Variants in SORCS2 observed in about 807,000 individuals in gnomAD.
SORCS2 encodes the protein VPS10 domain-containing receptor SorCS2.
In SORCS2, 100 loss-of-function variants were observed where a neutral mutation model predicts 141.6. The ratio of observed to expected loss-of-function variants is 0.71; its 90% CI spans 0.60 to 0.83. The LOEUF (loss-of-function observed/expected upper bound fraction) is 0.83. SORCS2 is among the 40% of genes least tolerant of loss of function. SORCS2 has a pLI of 0.00. For missense variants in SORCS2, 1,646 were observed against 1,560.2 expected (o/e 1.05, Z -0.93); for synonymous variants, 789 against 676.9 (o/e 1.17, Z -2.57).
intron 4 of SORCS2, among the ~76,000 whole-genome samples, chr4:7,640,188 ATGTGAG>A (rs1394767289): frequency 6.6e-4 from 9 of 13,656 alleles, no homozygotes; most frequent in Non-Finnish European, 1.5e-3. Flanking sequence ...GTGAGAGCCT[ATGTGAG>A]TGTGAGTGTG....
intron 1 of SORCS2, among the ~76,000 whole-genome samples, chr4:7,379,065 C>T (rs1429802915): frequency 6.6e-6 from 1 of 152,186 alleles, no homozygotes; most frequent in Non-Finnish European, 1.5e-5. Context: ...ACATCTAAAG[C>T]AGATGTCCTG....
At chr4:7,223,725 G>A (rs62289711) in intron 1 of SORCS2, among the ~76,000 whole-genome samples, 3 of 152,138 alleles carry the variant, frequency 2.0e-5, no homozygotes, top group South Asian at 4.1e-4. Context: ...GGGCCTCCTG[G>A]TGCCTTCCTG....
intron 17 of SORCS2, among the ~76,000 whole-genome samples, chr4:7,717,725 T>C (rs1726288285): frequency 6.6e-6 from 1 of 152,230 alleles, no homozygotes; most frequent in Non-Finnish European, 1.5e-5. Context: ...TGGCTGTTAC[T>C]GTTACTGTGA....
Position 7,524,975 on chromosome 4 carries a change from C to A in SORCS2, c.549-6555C>A, listed in dbSNP as rs533022683. Among the ~76,000 whole-genome samples the A allele has an allele frequency of 3.3e-5, 5 of 152,356 alleles. No homozygotes were observed. In the South Asian group the frequency reaches 8.3e-4, roughly 25 times the overall value. On this transcript the variant is annotated intron_variant, in intron 2 of 26. Transcript: ENST00000507866. ...CCCCTGGTCTGCAACAGAAACCTGG[C>A]AGGTTCCAGAGAGCGGGAGCTTAAC...
In SORCS2 at chr4:7,673,296, T is replaced by C. The variant is rs992724865; in HGVS notation, c.1162-2754T>C. Among the ~76,000 whole-genome samples, 5 of 152,360 alleles carry C rather than the reference T, an allele frequency of 3.3e-5. No individual in the cohort carries two copies. The East Asian group carries it at 9.6e-4, about 29-fold the overall frequency. ...CAAGAGCTTTCGAAATGTTGCGATG[T>C]GGCAATTTCCCTTCTTAGGAGTTTA... On this transcript the variant is annotated intron_variant, in intron 8 of 26. Coordinates refer to ENST00000507866, the MANE Select transcript of SORCS2 (RefSeq NM_020777.3).
At chr4:7,482,420 CACT>C (rs1396997159) in intron 2 of SORCS2, among the ~76,000 whole-genome samples, 7 of 50,404 alleles carry the variant, frequency 1.4e-4, no homozygotes, top group Non-Finnish European at 2.3e-4. Flanking sequence ...CCTGTATCCC[CACT>C]GCGGACACCC....
intron 2 of SORCS2, among the ~76,000 whole-genome samples, chr4:7,403,033 C>T (rs1724699615): frequency 6.6e-6 from 1 of 152,146 alleles, no homozygotes; most frequent in Admixed American, 6.5e-5. Context: ...TTCATTCTTT[C>T]CCAACACCTT....
intron 1 of SORCS2, among the ~76,000 whole-genome samples, chr4:7,337,702 G>A (rs1720074557): frequency 6.6e-6 from 1 of 152,174 alleles, no homozygotes; most frequent in Non-Finnish European, 1.5e-5. Context: ...TGGCTGCAGA[G>A]TCTAATGGAA....
intron 3 of SORCS2, among the ~76,000 whole-genome samples, chr4:7,545,994 A>C (rs1713233470): frequency 6.6e-6 from 1 of 152,172 alleles, no homozygotes; most frequent in African/African-American, 2.4e-5. Flanking sequence ...CACGTGGCAG[A>C]AAAAGAGCTA....
intron 1 of SORCS2, among the ~76,000 whole-genome samples, chr4:7,284,596 A>C (rs1178699140): frequency 1.3e-5 from 2 of 152,100 alleles, no homozygotes; most frequent in Non-Finnish European, 2.9e-5. Context: ...AGCATTTGAC[A>C]CAGAGGCCTG....
chr4:7,510,936 G>A (rs904972806), intron 2 of SORCS2, among the ~76,000 whole-genome samples: 2 of 152,204 alleles, frequency 1.3e-5, no homozygotes, highest in Non-Finnish European at 2.9e-5. Flanking sequence ...GCAGCGCCCC[G>A]GGAGCTGGTT....
chr4:7,214,133 C>T (rs958971586), intron 1 of SORCS2, among the ~76,000 whole-genome samples: 13 of 152,154 alleles, frequency 8.5e-5, no homozygotes, highest in African/African-American at 2.9e-4. Flanking sequence ...TGCAGCTCTC[C>T]CCACTGGGGA....
At chr4:7,492,038 C>T (rs1395870324) in intron 2 of SORCS2, among the ~76,000 whole-genome samples, 3 of 152,194 alleles carry the variant, frequency 2.0e-5, no homozygotes, top group African/African-American at 7.2e-5. Flanking sequence ...CTCCTCCCTC[C>T]TTTTCTGGCC....
intron 1 of SORCS2, among the ~76,000 whole-genome samples, chr4:7,338,145 CATGGATGGATGTTGGTTGGATGGATGG>C (rs1209878567): frequency 6.3e-5 from 8 of 127,996 alleles, no homozygotes; most frequent in African/African-American, 2.4e-4. Context: ...ATGTTGGTTG[CATGGATGGATGTTGGTTGGATGGATGG>C]ATGGATGGAT....
chr4:7,474,282 G>A (rs946318797), intron 2 of SORCS2, among the ~76,000 whole-genome samples: 2 of 152,244 alleles, frequency 1.3e-5, no homozygotes, highest in Non-Finnish European at 2.9e-5. Flanking sequence ...GCTGGGCAGT[G>A]AGGTCAGCGG....
intron 26 of SORCS2, among the ~76,000 whole-genome samples, chr4:7,737,841 G>A (rs952755600): frequency 1.3e-5 from 2 of 152,184 alleles, no homozygotes; most frequent in Non-Finnish European, 2.9e-5. Context: ...GTCAATGGCT[G>A]GTGCAGCAGT....
intron 3 of SORCS2, among the ~76,000 whole-genome samples, chr4:7,554,232 C>A (rs1406345687): frequency 1.3e-5 from 2 of 152,186 alleles, no homozygotes; most frequent in Admixed American, 1.3e-4. Flanking sequence ...TTCAAATACT[C>A]CCCAGAGTCT....
intron 7 of SORCS2, among the ~76,000 whole-genome samples, chr4:7,666,841 C>T (rs1202580810): frequency 1.3e-5 from 2 of 152,144 alleles, no homozygotes; most frequent in African/African-American, 4.8e-5. Flanking sequence ...GAACTTTCTC[C>T]ACCTTGTTCC....
At chr4:7,500,148 C>T (rs964028820) in intron 2 of SORCS2, among the ~76,000 whole-genome samples, 2 of 152,184 alleles carry the variant, frequency 1.3e-5, no homozygotes, top group Non-Finnish European at 2.9e-5. Context: ...GGAGCACACC[C>T]CTGCCCGGTG....
Sources: gnomAD v4.1 joint callset for allele counts (sites outside exome capture counted in the v4.1 genomes callset) on GRCh38, gnomAD v4.1.1 for gene constraint, MANE v1.5 for transcripts, NCBI Gene and HGNC (gene_info 2026-07-23, HGNC 2026-07-21) for gene names.